Variants in HDAC9 observed in about 807,000 individuals in gnomAD.
The protein encoded by HDAC9 is MEF-2 interacting transcription repressor (MITR) protein.
HDAC9 carries 41 observed loss-of-function variants against 139.4 expected under a neutral mutation model. The observed-to-expected ratio is 0.29, with a 90% CI of 0.23 to 0.38. The LOEUF is 0.38. HDAC9 is among the 10% of genes least tolerant of loss of function. HDAC9 has a pLI of 1.00. For missense variants in HDAC9, 1,147 were observed against 1,297.0 expected, an observed-to-expected ratio of 0.88 and a Z score of 1.78; for synonymous variants, 517 against 476.2, an observed-to-expected ratio of 1.09 and a Z score of -1.12.
chr7:18,366,232 C>T (rs1784169935), intron 1 of HDAC9, among the ~76,000 whole-genome samples: 1 of 152,048 alleles, frequency 6.6e-6, no homozygotes, highest in Non-Finnish European at 1.5e-5. Flanking sequence ...AAGGCTTGTT[C>T]AGAAACTGAC....
At chr7:18,144,927 A>T (rs115550452) in intron 1 of HDAC9, among the ~76,000 whole-genome samples, 1 of 152,162 alleles carries the variant, frequency 6.6e-6, no homozygotes, top group Non-Finnish European at 1.5e-5. Flanking sequence ...CTGTATGTTT[A>T]TTGTAAAAAT....
intron 1 of HDAC9, among the ~76,000 whole-genome samples, chr7:18,477,058 C>G (rs1795166007): frequency 6.6e-6 from 1 of 152,306 alleles, no homozygotes; most frequent in Admixed American, 6.5e-5. Context: ...AACACCCTCT[C>G]CTCAAAGTAG....
chr7:18,183,589 A>G (rs1017826647), intron 2 of HDAC9, among the ~76,000 whole-genome samples: 5 of 152,334 alleles, frequency 3.3e-5, no homozygotes, highest in South Asian at 2.1e-4. Flanking sequence ...TTATCCTAGC[A>G]TAAGAAGATT....
intron 1 of HDAC9, among the ~76,000 whole-genome samples, chr7:18,311,076 C>G (rs1006963465): frequency 7.0e-6 from 1 of 143,120 alleles, no homozygotes; most frequent in Non-Finnish European, 1.5e-5. Context: ...TTGTTTACCT[C>G]TCAGTTCTGG....
rs992464116 is a variant in HDAC9, at chr7:19,001,428, T to G, written c.*5366T>G. ...TTCCTGGGACATTGTGGTCATGTCC[T>G]TAATCCTTCATTGTGATGCCCCTTC... On this transcript the variant is annotated 3_prime_UTR_variant, in exon 26 of 26. Transcript: ENST00000686413. 6.6e-6 allele frequency: 1 copy of G among 152,094 alleles called. No homozygotes were observed. Among genetic ancestry groups the G allele is most frequent in the Non-Finnish European group, 1.5e-5 (1 of 67,972 alleles). 9.4% of individuals were successfully genotyped at this position (152,094 alleles called of 1,614,324 possible).
At position 19,001,694 on chromosome 7, in the gene HDAC9, C is replaced by T. The variant is rs889320951; in HGVS notation, c.*5632C>T. 3 of 151,952 alleles carry T rather than the reference C, an allele frequency of 2.0e-5. No individual in the cohort carries two copies. The highest frequency in any genetic ancestry group is 1.9e-4 in the East Asian group (1 of 5,198). The allele number at this position is 151,952 out of a possible 1,614,324, so 9.4% of individuals were successfully genotyped here. ...TCTCAAATTCTTTCTGGGGAAGCAA[C>T]GTCAGTGTCTACCTCCACAGTAACT... On this transcript the variant is annotated 3_prime_UTR_variant, in exon 26 of 26. Coordinates refer to ENST00000686413, the MANE Select transcript of HDAC9 (RefSeq NM_178425.4).
intron 22 of HDAC9, among the ~76,000 whole-genome samples, chr7:18,893,061 A>G (rs374446814): frequency 4.6e-5 from 7 of 151,102 alleles, no homozygotes; most frequent in African/African-American, 1.7e-4. Flanking sequence ...AAAAGAAAAG[A>G]AAAGAACCCT....
At chr7:18,621,706 A>T (rs1285416868) in intron 6 of HDAC9, among the ~76,000 whole-genome samples, 1 of 152,226 alleles carries the variant, frequency 6.6e-6, no homozygotes, top group African/African-American at 2.4e-5. Context: ...GTCAAAATAT[A>T]TAAAATCTAA....
chr7:18,497,137 A>G (rs942465109), intron 2 of HDAC9, among the ~76,000 whole-genome samples: 6 of 152,140 alleles, frequency 3.9e-5, no homozygotes, highest in African/African-American at 1.4e-4. Context: ...CTTAACGTGT[A>G]ATTATTGCCT....
intron 2 of HDAC9, among the ~76,000 whole-genome samples, chr7:18,165,872 T>G (rs1182012042): frequency 6.6e-6 from 1 of 151,836 alleles, no homozygotes; most frequent in African/African-American, 2.4e-5. Flanking sequence ...GAGGGGAACA[T>G]TCTAGTGGCT....
At chr7:18,428,453 T>A (rs1790326922) in intron 1 of HDAC9, among the ~76,000 whole-genome samples, 1 of 152,172 alleles carries the variant, frequency 6.6e-6, no homozygotes, top group African/African-American at 2.4e-5. Flanking sequence ...AAAAATGGGC[T>A]AAAGGTTTGC....
At position 18,193,813 on chromosome 7, in the gene HDAC9, G is replaced by C. The variant is rs570421308; in HGVS notation, c.25+31464G>C. Among the ~76,000 whole-genome samples the C allele has an allele frequency of 1.7e-3, 254 of 152,242 alleles. 3 individuals are homozygous for C. The highest frequency in any genetic ancestry group is 5.9e-3 in the African/African-American group (247 of 41,548). ...GGGCCGACTTGCCACGTGAGGTTTT[G>C]TCTTTCCCACCTTGTTAGGCTGCTT... is the stretch of plus-strand genomic sequence containing the variant. On this transcript the variant is annotated intron_variant, in intron 2 of 12. Transcript: ENST00000417496.
intron 22 of HDAC9, among the ~76,000 whole-genome samples, chr7:18,896,103 T>C (rs576899021): frequency 1.3e-5 from 2 of 152,164 alleles, no homozygotes; most frequent in South Asian, 4.1e-4. Context: ...CAAGTGTTAT[T>C]TATGAAGGAA....
At chr7:18,130,010 A>G (rs367929293) in intron 1 of HDAC9, among the ~76,000 whole-genome samples, 122 of 152,280 alleles carry the variant, frequency 8.0e-4, no homozygotes, top group African/African-American at 2.8e-3. Context: ...GACAAAACCA[A>G]ACCAAACCAA....
intron 2 of HDAC9, among the ~76,000 whole-genome samples, chr7:18,571,468 T>C (rs1480456392): frequency 2.0e-5 from 3 of 152,242 alleles, no homozygotes; most frequent in Admixed American, 1.3e-4. Context: ...ATTTCCACTT[T>C]TGCTGGTTTT....
rs117732829 is a variant in HDAC9, at chr7:18,631,085, C to T, written c.796+1604C>T. Reference sequence around the variant, plus strand: ...TTTCTTGATCATAGCTTTTTCTACACAGTCACTTTTTCTTCCGTACCAAAT... The same window carrying T: ...TTTCTTGATCATAGCTTTTTCTACATAGTCACTTTTTCTTCCGTACCAAAT... On this transcript the variant is annotated intron_variant, in intron 7 of 25. Transcript: ENST00000686413. Among the ~76,000 whole-genome samples, 150 of 152,210 alleles carry T rather than the reference C, an allele frequency of 9.9e-4. 1 individual carries two copies. The highest frequency in any genetic ancestry group is 1.3e-3 in the Non-Finnish European group (87 of 67,988).
intron 2 of HDAC9, among the ~76,000 whole-genome samples, chr7:18,196,399 C>G (rs888882169): frequency 2.6e-5 from 4 of 152,082 alleles, no homozygotes; most frequent in African/African-American, 9.7e-5. Context: ...AAGCTTCAGA[C>G]AAACCTGGGC....
At chr7:18,512,369 T>G (rs908269018) in intron 2 of HDAC9, among the ~76,000 whole-genome samples, 3 of 152,148 alleles carry the variant, frequency 2.0e-5, no homozygotes, top group Admixed American at 2.0e-4. Flanking sequence ...GAAAGGACTG[T>G]TTTATATAAA....
At position 18,173,652 on chromosome 7, in the gene HDAC9, T is replaced by G. The variant is rs1218129054; in HGVS notation, c.25+11303T>G. ...AGCTCTTGTAAGGTAGGCCAGGTGG[T>G]GACAGAATCTCTCAGCATTTGCTTG... On this transcript the variant is annotated intron_variant, in intron 2 of 12. Transcript: ENST00000417496. Among the ~76,000 whole-genome samples, 2 of 152,194 alleles carry G rather than the reference T, an allele frequency of 1.3e-5. 1 individual carries two copies. The highest frequency in any genetic ancestry group is 3.8e-4 in the East Asian group (2 of 5,196).
Sources: allele counts gnomAD v4.1 joint callset (sites outside exome capture counted in the v4.1 genomes callset), GRCh38; gene constraint gnomAD v4.1.1; transcripts MANE v1.5; gene names NCBI Gene and HGNC (gene_info 2026-07-23, HGNC 2026-07-21).